ERC2: variants seen among roughly 807,000 people sequenced by gnomAD.
ERC2 encodes the protein ELKS/RAB6-interacting/CAST family member 2.
ERC2 carries 42 observed loss-of-function variants against 114.8 expected under a neutral mutation model. The ratio of observed to expected loss-of-function variants is 0.37; its 90% CI spans 0.29 to 0.47. ERC2 has a LOEUF of 0.47. ERC2 is among the 20% of genes least tolerant of loss of function. The probability of loss-of-function intolerance (pLI) is 0.99; values close to 1 mark genes in which losing one functional copy is unlikely to be tolerated. For synonymous variants in ERC2, 454 were observed against 425.5 expected, an observed-to-expected ratio of 1.07 and a Z score of -0.82; for missense variants, 939 against 1,150.7, an observed-to-expected ratio of 0.82 and a Z score of 2.66.
intron 14 of ERC2, among the ~76,000 whole-genome samples, chr3:55,740,383 A>G (rs1351723820): frequency 6.6e-6 from 1 of 152,062 alleles, no homozygotes; most frequent in Non-Finnish European, 1.5e-5. Context: ...TAACAAATCT[A>G]TTTTTATAGA....
At chr3:56,135,644 GAAGTTC>G (rs2080463003) in intron 6 of ERC2, among the ~76,000 whole-genome samples, 1 of 152,328 alleles carries the variant, frequency 6.6e-6, no homozygotes, top group East Asian at 1.9e-4. Context: ...AAGGCTCAGA[GAAGTTC>G]AAGTCTTGTC....
chr3:56,092,504 G>C (rs747956139), intron 6 of ERC2, among the ~76,000 whole-genome samples: 5 of 152,176 alleles, frequency 3.3e-5, no homozygotes, highest in Non-Finnish European at 7.4e-5. Flanking sequence ...CATGGGAATT[G>C]TAACTCATGT....
At chr3:55,904,115 G>A (rs1374462785) in intron 13 of ERC2, among the ~76,000 whole-genome samples, 2 of 152,206 alleles carry the variant, frequency 1.3e-5, no homozygotes, top group Non-Finnish European at 2.9e-5. Context: ...ATGGAGAAAT[G>A]TTCTCATGTA....
At chr3:55,740,629 G>A (rs1184369023) in intron 14 of ERC2, among the ~76,000 whole-genome samples, 1 of 152,098 alleles carries the variant, frequency 6.6e-6, no homozygotes, top group Non-Finnish European at 1.5e-5. Context: ...CAGGATATTT[G>A]GCAAGGTATT....
chr3:55,957,641 G>A (rs2068052453), intron 12 of ERC2, among the ~76,000 whole-genome samples: 1 of 152,206 alleles, frequency 6.6e-6, no homozygotes, highest in African/African-American at 2.4e-5. Flanking sequence ...CCTGCCAAGG[G>A]CAAGCCAGGC....
Position 56,138,051 on chromosome 3 carries a change from C to CTT in ERC2, c.1473+1456_1473+1457dup, listed in dbSNP as rs920983143. On this transcript the variant is annotated intron_variant, in intron 6 of 17. Coordinates refer to ENST00000288221, the MANE Select transcript of ERC2 (RefSeq NM_015576.3). Reference sequence around the variant, plus strand: ...CTATACACAACTGAAAATGGTATTTCTTTTTTTTTTTTTTTTTTTTTTTTT... The same window carrying CTT: ...CTATACACAACTGAAAATGGTATTTCTTTTTTTTTTTTTTTTTTTTTTTTTTT... Among the ~76,000 whole-genome samples, 347 of 92,674 alleles carry CTT rather than the reference C, an allele frequency of 3.7e-3. 27 individuals are homozygous for CTT. In the East Asian group the frequency reaches 0.044, roughly 12 times the overall value. The allele number at this position is 92,674 out of a possible 152,430, so 60.8% of individuals were successfully genotyped here.
At chr3:55,987,007 G>C (rs2070691079) in intron 11 of ERC2, among the ~76,000 whole-genome samples, 1 of 151,858 alleles carries the variant, frequency 6.6e-6, no homozygotes, top group Admixed American at 6.6e-5. Flanking sequence ...ACATGGGAAG[G>C]AAAAACAAAA....
chr3:56,316,155 C>T (rs1560579738), intron 2 of ERC2, among the ~76,000 whole-genome samples: 1 of 152,000 alleles, frequency 6.6e-6, no homozygotes, highest in Non-Finnish European at 1.5e-5. Context: ...TAGCTGTGGA[C>T]TAGGAGAAGA....
chr3:55,647,175 C>A (rs2060430637), intron 17 of ERC2: 1 of 148,016 alleles, frequency 6.8e-6, no homozygotes, highest in Non-Finnish European at 1.5e-5. Flanking sequence ...TTAGTGACCT[C>A]CCCTGCCCAG....
At chr3:55,882,300 T>A (rs976192810) in intron 14 of ERC2, among the ~76,000 whole-genome samples, 1 of 152,200 alleles carries the variant, frequency 6.6e-6, no homozygotes, top group African/African-American at 2.4e-5. Flanking sequence ...CCTGAGGCCC[T>A]CACCAGAAGC....
intron 3 of ERC2, among the ~76,000 whole-genome samples, chr3:56,243,925 G>C (rs2051497604): frequency 6.6e-6 from 1 of 152,208 alleles, no homozygotes; most frequent in African/African-American, 2.4e-5. Context: ...AGAAAGCACA[G>C]TGTGGGTGAG....
intron 1 of ERC2, among the ~76,000 whole-genome samples, chr3:56,462,648 C>G (rs565292857): frequency 6.6e-6 from 1 of 152,092 alleles, no homozygotes; most frequent in African/African-American, 2.4e-5. Context: ...TTGTTTTGAA[C>G]CCCCAATGCT....
intron 14 of ERC2, among the ~76,000 whole-genome samples, chr3:55,765,259 A>T (rs1016093402): frequency 2.6e-5 from 4 of 152,226 alleles, no homozygotes; most frequent in Non-Finnish European, 5.9e-5. Context: ...ACATGCAATT[A>T]TCTACATTAC....
chr3:55,573,447 T>C (rs1404137434), intron 17 of ERC2, among the ~76,000 whole-genome samples: 2 of 152,088 alleles, frequency 1.3e-5, no homozygotes, highest in Non-Finnish European at 2.9e-5. Flanking sequence ...TCTGGAGTGA[T>C]GATGTGAAGA....
chr3:56,144,995 A>C (rs920992579), intron 5 of ERC2, among the ~76,000 whole-genome samples: 7 of 152,194 alleles, frequency 4.6e-5, no homozygotes, highest in African/African-American at 1.7e-4. Context: ...AAGAAAAGCC[A>C]ATCGGAATTA....
chr3:55,580,215 C>T (rs917618912), intron 17 of ERC2, among the ~76,000 whole-genome samples: 1 of 150,830 alleles, frequency 6.6e-6, no homozygotes, highest in Non-Finnish European at 1.5e-5. Context: ...TACCACTTGA[C>T]AGCAATAGGA....
intron 14 of ERC2, among the ~76,000 whole-genome samples, chr3:55,867,424 G>A (rs2062375644): frequency 1.3e-5 from 2 of 152,130 alleles, no homozygotes; most frequent in East Asian, 1.9e-4. Flanking sequence ...AGCTGTAAGG[G>A]TTCTAGTCAT....
Position 56,396,615 on chromosome 3 carries a change from A to G in ERC2, c.657+37736T>C, listed in dbSNP as rs577046464. The stretch of plus-strand genomic sequence containing the variant: ...CAAGGAATGTATTCTCAGTTTAATG[A>G]CATATCTTAGAGTGATGGGATTTCC... On this transcript the variant is annotated intron_variant, in intron 2 of 17. Coordinates refer to ENST00000288221, the MANE Select transcript of ERC2 (RefSeq NM_015576.3). 1.1e-4 allele frequency among the ~76,000 whole-genome samples: 16 copies of G among 152,360 alleles called. No individual in the cohort carries two copies. The South Asian group carries it at 3.3e-3, about 32-fold the overall frequency.
chr3:56,461,769 A>G (rs1400342330), intron 1 of ERC2, among the ~76,000 whole-genome samples: 1 of 152,184 alleles, frequency 6.6e-6, no homozygotes, highest in Admixed American at 6.5e-5. Context: ...ATAAATCTGG[A>G]CCCTAAATTT....
Sources: gnomAD v4.1 joint callset for allele counts (sites outside exome capture counted in the v4.1 genomes callset) on GRCh38, gnomAD v4.1.1 for gene constraint, MANE v1.5 for transcripts, NCBI Gene and HGNC (gene_info 2026-07-23, HGNC 2026-07-21) for gene names.